The following POU2F2 variants were observed in gnomAD, a reference collection of about 807,000 sequenced individuals.
POU2F2 encodes POU class 2 homeobox 2, also known as POU domain, class 2, transcription factor 2.
A neutral mutation model predicts 63.5 loss-of-function variants in POU2F2; 14 were observed. The observed-to-expected ratio is 0.22, with a 90% confidence interval of 0.15 to 0.34. The LOEUF is 0.34. Among genes scored for constraint, POU2F2 ranks in the 10% least tolerant of loss-of-function variants. The probability of loss-of-function intolerance (pLI) is 1.00; values close to 1 mark genes in which losing one functional copy is unlikely to be tolerated. For missense variants in POU2F2, 607 were observed against 815.2 expected, an observed-to-expected ratio of 0.74 and a Z score of 3.11; for synonymous variants, 306 against 348.6, an observed-to-expected ratio of 0.88 and a Z score of 1.36.
chr19:42,142,959 C>A (rs1228346594), intron 2 of POU2F2, among the ~76,000 whole-genome samples: 1 of 152,136 alleles, frequency 6.6e-6, no homozygotes, highest in Non-Finnish European at 1.5e-5. Flanking sequence ...ATTGTAGTTA[C>A]CTCCAGCAGA....
chr19:42,191,897 A>G (rs2035078842), intron 1 of POU2F2, among the ~76,000 whole-genome samples: 1 of 152,222 alleles, frequency 6.6e-6, no homozygotes, highest in Non-Finnish European at 1.5e-5. Context: ...TGTGTCACCC[A>G]GGCAAGTGAC....
Position 42,169,858 on chromosome 19 carries a change from T to TTCTCTG in POU2F2, c.-70+6099_-70+6104dup, listed in dbSNP as rs1272099940. On this transcript the variant is annotated intron_variant, in intron 1 of 6. Transcript: ENST00000524801. The surrounding 1 kb of genome is among the most constrained non-coding windows in gnomAD (Gnocchi z 4.3). ...CCTTCCCAGTCTGGATGAGTACCTT[T>TTCTCTG]TCTCTGTCTCTCTCTCTCTCACACA... Among the ~76,000 whole-genome samples the TTCTCTG allele has an allele frequency of 5.3e-4, 81 of 152,168 alleles. No homozygotes were observed. Among genetic ancestry groups the TTCTCTG allele is most frequent in the African/African-American group, 1.9e-3 (80 of 41,518 alleles).
chr19:42,191,944 G>T (rs2035079264), intron 1 of POU2F2, among the ~76,000 whole-genome samples: 1 of 152,206 alleles, frequency 6.6e-6, no homozygotes, highest in Admixed American at 6.5e-5. Context: ...TCTGTAAAAT[G>T]AGGATACTAA....
chr19:42,154,836 C>T (rs935101446), intron 2 of POU2F2, among the ~76,000 whole-genome samples: 2 of 152,142 alleles, frequency 1.3e-5, no homozygotes, highest in Non-Finnish European at 2.9e-5. Context: ...CCTTTTTCCA[C>T]GTTCCTCTGG....
chr19:42,193,022 T>C (rs1038880106), intron 1 of POU2F2, among the ~76,000 whole-genome samples: 6 of 150,368 alleles, frequency 4.0e-5, no homozygotes, highest in African/African-American at 1.2e-4. Flanking sequence ...AGATCAAGAC[T>C]ATCCTGGCTA....
chr19:42,148,426 C>T (rs558159093), intron 2 of POU2F2, among the ~76,000 whole-genome samples: 1 of 152,304 alleles, frequency 6.6e-6, no homozygotes, highest in Non-Finnish European at 1.5e-5. Flanking sequence ...ACACAAATGC[C>T]GTCTTCCCAC....
At position 42,091,324 on chromosome 19, in the gene POU2F2, C is replaced by A; in HGVS notation, c.1808G>T (p.Cys603Phe). Reference sequence around the variant, plus strand: ...AGGGGTCTGTGCTGCCGTCTCGCTGCAAGTGGAGGAGGAGGAGGATGAGGA... The same window carrying A: ...AGGGGTCTGTGCTGCCGTCTCGCTGAAAGTGGAGGAGGAGGAGGATGAGGA... The part of the protein sequence containing the change: ...SSSSSSSSST[C>F]SETAAQTPGG... Residue 603 changes from cysteine to phenylalanine, a missense_variant, in exon 15 of 15, where the codon TGC becomes TTC. Around this residue, in one of 7 missense-constraint regions of POU2F2, gnomAD observed 270 missense variants for 307.5 expected, o/e 0.88. Transcript: ENST00000692977. 4 of 1,535,076 alleles carry A rather than the reference C, an allele frequency of 2.6e-6. No individual in the cohort carries two copies. The highest frequency in any genetic ancestry group is 3.5e-6 in the Non-Finnish European group (4 of 1,146,752).
At chr19:42,154,435 CAG>C (rs564558011) in intron 2 of POU2F2, among the ~76,000 whole-genome samples, 58 of 152,110 alleles carry the variant, frequency 3.8e-4, no homozygotes, top group African/African-American at 1.4e-3. Flanking sequence ...GAGAGCACGA[CAG>C]AGAGAGACGC....
At chr19:42,102,250 T>G (rs1345209864) in intron 5 of POU2F2, among the ~76,000 whole-genome samples, 1 of 152,096 alleles carries the variant, frequency 6.6e-6, no homozygotes, top group Non-Finnish European at 1.5e-5. Context: ...TTCCCAAACA[T>G]AATCAGTGAG....
chr19:42,115,563 G>C (rs889972411), intron 5 of POU2F2, among the ~76,000 whole-genome samples: 3 of 152,154 alleles, frequency 2.0e-5, no homozygotes, highest in Admixed American at 6.5e-5. Flanking sequence ...ATGAAAACCA[G>C]ACAGACAACA....
At chr19:42,130,166 C>G (rs1034941323) in intron 1 of POU2F2, among the ~76,000 whole-genome samples, 2 of 152,114 alleles carry the variant, frequency 1.3e-5, no homozygotes, top group Admixed American at 6.5e-5. Flanking sequence ...TACACCCTCC[C>G]CCTACATACT....
intron 1 of POU2F2, among the ~76,000 whole-genome samples, chr19:42,172,783 T>C (rs1369761443): frequency 6.6e-6 from 1 of 152,156 alleles, no homozygotes; most frequent in Non-Finnish European, 1.5e-5. Flanking sequence ...GAGCCCTCAC[T>C]GAACCACATA....
chr19:42,091,080 G>A lies in POU2F2; in HGVS notation c.*177C>T. ...ATTATTTTTGGTTTTCTCTTTTGTT[G>A]GTTAGTTTCTTTCCTTTTTTTTTTT... On this transcript the variant is annotated 3_prime_UTR_variant, in exon 15 of 15. Transcript: ENST00000692977. 1.9e-6 allele frequency: 1 copy of A among 513,446 alleles called. No individual in the cohort carries two copies. The highest frequency in any genetic ancestry group is 3.1e-6 in the Non-Finnish European group (1 of 322,402). The allele number at this position is 513,446 out of a possible 1,614,324, so 31.8% of individuals were successfully genotyped here.
upstream of POU2F2, among the ~76,000 whole-genome samples, chr19:42,197,899 G>A (rs1327965059): frequency 1.3e-5 from 2 of 152,132 alleles, no homozygotes; most frequent in Non-Finnish European, 2.9e-5. Flanking sequence ...GGAGTGGCCG[G>A]GTGCAGCAGC....
intron 1 of POU2F2, among the ~76,000 whole-genome samples, chr19:42,127,382 T>A (rs1237485145): frequency 6.6e-6 from 1 of 151,726 alleles, no homozygotes; most frequent in East Asian, 1.9e-4. Flanking sequence ...AGCTCTGTTT[T>A]CTTTTCTTTT....
At chr19:42,104,610 C>T (rs927560937) in intron 5 of POU2F2, among the ~76,000 whole-genome samples, 3 of 151,940 alleles carry the variant, frequency 2.0e-5, no homozygotes, top group Admixed American at 1.3e-4. Context: ...GCTCAAGAGG[C>T]AGAACAGAGG....
At chr19:42,172,682 C>T (rs2034793626) in intron 1 of POU2F2, among the ~76,000 whole-genome samples, 1 of 152,192 alleles carries the variant, frequency 6.6e-6, no homozygotes, top group Non-Finnish European at 1.5e-5. Context: ...TTTGAACAGG[C>T]CCAGCCCCAA....
At chr19:42,098,440 G>T (rs946735689) in intron 7 of POU2F2, among the ~76,000 whole-genome samples, 2 of 146,542 alleles carry the variant, frequency 1.4e-5, no homozygotes, top group Admixed American at 1.4e-4. Context: ...CAAAAAGAAA[G>T]AAAGCCTACA....
chr19:42,091,138 C>A lies in POU2F2; in HGVS notation c.*119G>T. On this transcript the variant is annotated 3_prime_UTR_variant, in exon 15 of 15. Transcript: ENST00000692977. ...GTTGGTTGTTTTTTTGGTCTTTCCT[C>A]CCTTGTCACTCCTGCTCTGAGGACC... 3.1e-5 allele frequency: 21 copies of A among 676,548 alleles called. No homozygotes were observed. The highest frequency in any genetic ancestry group is 7.2e-5 in the East Asian group (2 of 27,936). 41.9% of individuals were successfully genotyped at this position (676,548 alleles called of 1,614,324 possible).
Sources: allele counts gnomAD v4.1 joint callset (sites outside exome capture counted in the v4.1 genomes callset), GRCh38; gene constraint gnomAD v4.1.1; regional missense constraint gnomAD v4.1.1; non-coding constraint Gnocchi (gnomAD v3.1); transcripts MANE v1.5; gene names NCBI Gene and HGNC (gene_info 2026-07-23, HGNC 2026-07-21).